DOCK2: variants seen among roughly 807,000 people sequenced by gnomAD.
The protein encoded by DOCK2 is dedicator of cytokinesis protein 2.
A neutral mutation model predicts 248.9 loss-of-function variants in DOCK2; 87 were observed. That is an observed-to-expected ratio of 0.35 (90% confidence interval 0.29 to 0.42). The LOEUF (loss-of-function observed/expected upper bound fraction) is 0.42. Ranked by LOEUF, DOCK2 falls within the 10% of genes least tolerant of loss-of-function variation. DOCK2 has a pLI of 1.00. For missense variants in DOCK2, 1,747 were observed against 2,300.2 expected (o/e 0.76, Z 4.92); for synonymous variants, 805 against 821.6 (o/e 0.98, Z 0.35).
intron 14 of DOCK2, among the ~76,000 whole-genome samples, chr5:169,702,853 G>C (rs1761063093): frequency 6.6e-6 from 1 of 152,044 alleles, no homozygotes; most frequent in Non-Finnish European, 1.5e-5. Flanking sequence ...TGGAGGCTCA[G>C]GATGTGCTTA....
intron 27 of DOCK2, among the ~76,000 whole-genome samples, chr5:169,929,397 C>T (rs1368744047): frequency 6.6e-6 from 1 of 152,040 alleles, no homozygotes; most frequent in African/African-American, 2.4e-5. Context: ...AAACGATATA[C>T]AGAACTCCTA....
At chr5:169,947,444 C>A (rs1359237306) in intron 27 of DOCK2, among the ~76,000 whole-genome samples, 1 of 152,186 alleles carries the variant, frequency 6.6e-6, no homozygotes, top group Non-Finnish European at 1.5e-5. Flanking sequence ...AGGTAGACTT[C>A]ATTAGCCCTG....
chr5:169,939,682 C>G (rs1353480590), intron 27 of DOCK2, among the ~76,000 whole-genome samples: 1 of 152,128 alleles, frequency 6.6e-6, no homozygotes, highest in Non-Finnish European at 1.5e-5. Context: ...CAGCTCCATT[C>G]CGTCATTGAC....
chr5:170,025,790 CCCTTCCTTCCTT>C lies in DOCK2; in HGVS notation c.3382-2027_3382-2016del, dbSNP rs1193226351. Among the ~76,000 whole-genome samples the C allele has an allele frequency of 2.0e-3, 133 of 67,614 alleles. 1 individual carries two copies. Among genetic ancestry groups the C allele is most frequent in the Middle Eastern group, 8.8e-3 (1 of 114 alleles). 44.4% of individuals were successfully genotyped at this position (67,614 alleles called of 152,430 possible). ...TCCCTCCCTCCCTCCCTCCTTCCCT[CCCTTCCTTCCTT>C]CCTTCCTTCCTTCCTTCCTTCCTTC... is the stretch of plus-strand genomic sequence containing the variant. On this transcript the variant is annotated intron_variant, in intron 33 of 51. Transcript: ENST00000520908.
intron 27 of DOCK2, among the ~76,000 whole-genome samples, chr5:169,841,073 C>A (rs145984793): frequency 6.6e-6 from 1 of 152,058 alleles, no homozygotes; most frequent in East Asian, 1.9e-4. Context: ...AGTGTACCAG[C>A]GCTAAATTGA....
At chr5:169,868,510 G>T (rs973960068) in intron 27 of DOCK2, among the ~76,000 whole-genome samples, 3 of 152,186 alleles carry the variant, frequency 2.0e-5, no homozygotes, top group African/African-American at 7.2e-5. Flanking sequence ...TGTAATCCCA[G>T]CACTTCGAAA....
intron 34 of DOCK2, among the ~76,000 whole-genome samples, chr5:170,030,005 C>A (rs760335720): frequency 1.4e-4 from 21 of 152,158 alleles, no homozygotes; most frequent in Non-Finnish European, 2.5e-4. Context: ...CACTGTCTGC[C>A]CCTCAGGTGG....
At chr5:169,787,574 A>G (rs1766062544) in intron 25 of DOCK2, among the ~76,000 whole-genome samples, 1 of 152,130 alleles carries the variant, frequency 6.6e-6, no homozygotes, top group Non-Finnish European at 1.5e-5. Flanking sequence ...TTGATAGTCT[A>G]AAAATTTCAA....
At chr5:169,855,406 G>A (rs1191411250) in intron 27 of DOCK2, among the ~76,000 whole-genome samples, 3 of 152,186 alleles carry the variant, frequency 2.0e-5, no homozygotes, top group South Asian at 2.1e-4. Context: ...TTGGAAAGTG[G>A]CAAGGAGATG....
intron 32 of DOCK2, among the ~76,000 whole-genome samples, chr5:170,017,692 T>C (rs55658240): frequency 0.21 from 31,971 of 152,080 alleles, 3,850 homozygotes; most frequent in African/African-American, 0.3. Flanking sequence ...AAGTTACAGA[T>C]GAGGACACCG....
In DOCK2 at chr5:170,027,916, C is replaced by T. The variant is rs370111673; in HGVS notation, c.3435C>T (p.Gly1145=). The T allele has an allele frequency of 2.1e-5, 34 of 1,613,330 alleles. 1 individual carries two copies. The highest frequency in any genetic ancestry group is 1.6e-4 in the African/African-American group (12 of 75,016). ...ACCACGAGGTAGAAGGGGGCCGAGGCGACGAGCAGTACATGCAGCTCCTGG... is the reference window on the plus strand; with the variant it reads ...ACCACGAGGTAGAAGGGGGCCGAGGTGACGAGCAGTACATGCAGCTCCTGG... ...KLDHEVEGGR[G]DEQYMQLLES... is the part of the protein sequence containing the mutation. The change falls in exon 34 of 52, where the codon GGC becomes GGT. Residue 1145 remains glycine (G), a synonymous_variant. Coordinates refer to ENST00000520908, the MANE Select transcript of DOCK2 (RefSeq NM_004946.3).
At chr5:169,688,945 C>A (rs1175316507) in intron 8 of DOCK2, among the ~76,000 whole-genome samples, 1 of 152,192 alleles carries the variant, frequency 6.6e-6, no homozygotes, top group African/African-American at 2.4e-5. Context: ...TTCTCAATAA[C>A]CTCTATCAGT....
chr5:169,663,136 C>T (rs1268407118), intron 2 of DOCK2, among the ~76,000 whole-genome samples: 1 of 152,218 alleles, frequency 6.6e-6, no homozygotes, highest in Non-Finnish European at 1.5e-5. Flanking sequence ...TCATGCAAGT[C>T]CAAAACCCAG....
intron 27 of DOCK2, among the ~76,000 whole-genome samples, chr5:169,909,462 G>A (rs79371940): frequency 0.014 from 2,065 of 152,290 alleles, 17 homozygotes; most frequent in Non-Finnish European, 0.021. Flanking sequence ...GAAGAAGAAA[G>A]TCTAAATATT....
At chr5:170,082,410 C>T (rs995207359) in intron 51 of DOCK2, among the ~76,000 whole-genome samples, 1 of 152,338 alleles carries the variant, frequency 6.6e-6, no homozygotes, top group South Asian at 2.1e-4. Context: ...GGTACCATAA[C>T]ACATCTGATC....
At chr5:169,832,961 T>C (rs1489598581) in intron 26 of DOCK2, among the ~76,000 whole-genome samples, 1 of 152,110 alleles carries the variant, frequency 6.6e-6, no homozygotes, top group Non-Finnish European at 1.5e-5. Context: ...GGAGGTGAGA[T>C]TGTCCTTGGC....
At chr5:169,840,967 G>C (rs1423879881) in intron 27 of DOCK2, 115 bp downstream of exon 27, 3 of 1,183,584 alleles carry the variant, frequency 2.5e-6, no homozygotes, top group Non-Finnish European at 3.6e-6. Context: ...CTTTGTTTTG[G>C]AGTAGGGTGA....
rs754823932 is a variant in DOCK2, at chr5:170,002,628, GTAAC to G, written c.3073-5865_3073-5862del. ...TATAATTTTTTGAGAGTTAATTAAA[GTAAC>G]TAAATTCTCATTATACCCACTAGCA... is the stretch of plus-strand genomic sequence containing the variant. On this transcript the variant is annotated intron_variant, in intron 30 of 51. Transcript: ENST00000520908. 1.2e-4 allele frequency among the ~76,000 whole-genome samples: 19 copies of G among 152,206 alleles called. 1 individual carries two copies. In the South Asian group the frequency reaches 3.5e-3, roughly 28 times the overall value.
intron 26 of DOCK2, among the ~76,000 whole-genome samples, chr5:169,838,434 C>T (rs1201670464): frequency 6.6e-6 from 1 of 152,106 alleles, no homozygotes; most frequent in Non-Finnish European, 1.5e-5. Flanking sequence ...AGCAGAGTAC[C>T]GGGCATTTAG....
Sources: allele counts gnomAD v4.1 joint callset (sites outside exome capture counted in the v4.1 genomes callset), GRCh38; gene constraint gnomAD v4.1.1; transcripts MANE v1.5; gene names NCBI Gene and HGNC (gene_info 2026-07-23, HGNC 2026-07-21).